Variants in BBOF1 observed in about 807,000 individuals in gnomAD.
The protein encoded by BBOF1 is basal body-orientation factor 1.
Under a neutral mutation model 68.0 loss-of-function variants are expected in BBOF1, and 62 were observed. That is an observed-to-expected ratio of 0.91 (90% confidence interval 0.74 to 1.13). BBOF1 has a LOEUF of 1.13. Ranked by LOEUF, BBOF1 falls within the 50% of genes most tolerant of loss-of-function variation. The pLI, the probability that BBOF1 is intolerant of heterozygous loss-of-function variation, is 0.00. For missense variants in BBOF1, 534 were observed against 600.1 expected (o/e 0.89, Z 1.15); for synonymous variants, 208 against 198.8 (o/e 1.05, Z -0.39).
downstream of BBOF1, among the ~76,000 whole-genome samples, chr14:74,067,930 CAA>C (rs1346354548): frequency 8.2e-6 from 1 of 121,960 alleles, no homozygotes; most frequent in African/African-American, 3.2e-5. Context: ...TGTCTCAAAA[CAA>C]ACAAACAAAC....
intron 9 of BBOF1, 71 bp from the exon 10 acceptor site, chr14:74,056,835 A>G (rs1215150725): frequency 3.8e-6 from 4 of 1,049,922 alleles, no homozygotes; most frequent in African/African-American, 3.3e-5. Context: ...ATTAAAATAC[A>G]AAAAGAAAAT....
chr14:74,034,753 T>G (rs998148996), intron 4 of BBOF1, among the ~76,000 whole-genome samples: 11 of 152,196 alleles, frequency 7.2e-5, no homozygotes, highest in Admixed American at 5.9e-4. Context: ...GTTACTTAAC[T>G]CTTCCATACC....
chr14:74,038,455 A>C (rs1595047786), intron 4 of BBOF1, among the ~76,000 whole-genome samples: 1 of 152,300 alleles, frequency 6.6e-6, no homozygotes, highest in Non-Finnish European at 1.5e-5. Context: ...TAGATTTCAG[A>C]CCTTTCAAAG....
intron 2 of BBOF1, among the ~76,000 whole-genome samples, chr14:74,025,433 A>G (rs920300304): frequency 6.6e-6 from 1 of 152,206 alleles, no homozygotes; most frequent in Non-Finnish European, 1.5e-5. Flanking sequence ...TCATTTTGCT[A>G]TATACTAGAA....
Position 74,055,676 on chromosome 14 carries a change from G to A in BBOF1, c.1379G>A (p.Cys460Tyr). Residue 460 changes from cysteine to tyrosine, a missense_variant, in exon 9 of 12, where the codon TGT becomes TAT. By Grantham distance (194) the Cys-to-Tyr change is radical (BLOSUM62 -2). Transcript: ENST00000394009. ...TTGCTCTTTGCAAAAATGAATGGCT[G>A]TCCTTCTAGGTAACTCCCTATTTCT... is the stretch of plus-strand genomic sequence containing the variant. ...LRLLFAKMNG[C>Y]PSRKYNQSSR... 1 of 1,611,346 alleles carries A rather than the reference G, an allele frequency of 6.2e-7. No individual in the cohort carries two copies. The highest frequency in any genetic ancestry group is 1.1e-5 in the South Asian group (1 of 90,874).
chr14:74,048,513 A>G (rs1404724510), intron 7 of BBOF1: 3 of 152,574 alleles, frequency 2.0e-5, no homozygotes, highest in African/African-American at 7.2e-5. Context: ...CAGCTTCCTT[A>G]ACTTTGCTCT....
intron 9 of BBOF1, among the ~76,000 whole-genome samples, chr14:74,074,151 A>AT (rs1188231616): frequency 6.6e-6 from 1 of 151,368 alleles, no homozygotes; most frequent in Non-Finnish European, 1.5e-5. Flanking sequence ...CGCCTGGCTA[A>AT]TTTTTTGTAG....
intron 11 of BBOF1, among the ~76,000 whole-genome samples, chr14:74,062,580 G>A (rs1477153676): frequency 6.6e-6 from 1 of 151,988 alleles, no homozygotes; most frequent in Non-Finnish European, 1.5e-5. Context: ...CAGCCTGGGT[G>A]ACAGAGAAAG....
chr14:74,024,823 G>A (rs1027655156), intron 2 of BBOF1, among the ~76,000 whole-genome samples: 5 of 152,026 alleles, frequency 3.3e-5, no homozygotes, highest in African/African-American at 7.2e-5. Flanking sequence ...GGCTAGCCTC[G>A]AACTCCTGGG....
intron 9 of BBOF1, chr14:74,072,276 G>T: frequency 6.2e-7 from 1 of 1,614,250 alleles, no homozygotes; most frequent in Non-Finnish European, 8.5e-7. Flanking sequence ...GTCTGCCCAT[G>T]CAGGAAAAGC....
At chr14:74,047,141 G>A (rs1240746582) in intron 6 of BBOF1, among the ~76,000 whole-genome samples, 1 of 152,180 alleles carries the variant, frequency 6.6e-6, no homozygotes, top group Non-Finnish European at 1.5e-5. Flanking sequence ...ATGGCTAATA[G>A]TAGCAATCTT....
At chr14:74,066,905 G>A, downstream of BBOF1, 1 of 1,609,940 alleles carries the variant, frequency 6.2e-7, no homozygotes, top group Non-Finnish European at 8.5e-7. Context: ...CAACACAGAA[G>A]AATTTAAGGT....
At chr14:74,067,595 G>T (rs377446657), downstream of BBOF1, 96 of 1,612,038 alleles carry the variant, frequency 6.0e-5, no homozygotes, top group Non-Finnish European at 7.9e-5. Flanking sequence ...GAAAGCACAT[G>T]AGTCTTCCTT....
intron 10 of BBOF1, among the ~76,000 whole-genome samples, chr14:74,080,112 T>C (rs950480443): frequency 6.6e-6 from 1 of 152,144 alleles, no homozygotes; most frequent in Non-Finnish European, 1.5e-5. Context: ...CTATGCCTCC[T>C]ATAGCCCACC....
chr14:74,040,706 T>C, intron 5 of BBOF1, 61 bp downstream of exon 5: 1 of 984,172 alleles, frequency 1.0e-6, no homozygotes, highest in South Asian at 1.6e-5. Context: ...TGTATTTATA[T>C]GCATTCTGAA....
intron 9 of BBOF1, 90 bp downstream of exon 9, chr14:74,055,775 C>A: frequency 1.0e-6 from 1 of 979,552 alleles, no homozygotes; most frequent in Non-Finnish European, 1.6e-6. Flanking sequence ...TTACTTAGAA[C>A]TAAAGGGACG....
At chr14:74,063,865 C>CAA (rs71115948) in intron 11 of BBOF1, among the ~76,000 whole-genome samples, 2 of 124,122 alleles carry the variant, frequency 1.6e-5, no homozygotes, top group Non-Finnish European at 3.5e-5. Flanking sequence ...GACTCTGTCT[C>CAA]AAAAAAAAAA....
At chr14:74,045,605 G>A (rs751525338) in intron 5 of BBOF1, among the ~76,000 whole-genome samples, 6 of 152,108 alleles carry the variant, frequency 3.9e-5, no homozygotes, top group South Asian at 2.1e-4. Flanking sequence ...CACCGCGCCC[G>A]GACAATGCTC....
chr14:74,082,030 A>C (rs1472168942), intron 12 of BBOF1, among the ~76,000 whole-genome samples: 2 of 152,106 alleles, frequency 1.3e-5, no homozygotes, highest in African/African-American at 2.4e-5. Flanking sequence ...AACATGGTGA[A>C]ACCCTGTCTC....
Sources: gnomAD v4.1 joint callset for allele counts (sites outside exome capture counted in the v4.1 genomes callset) on GRCh38, gnomAD v4.1.1 for gene constraint, MANE v1.5 for transcripts, NCBI Gene and HGNC (gene_info 2026-07-23, HGNC 2026-07-21) for gene names.